The following DCHS2 variants were observed in gnomAD, a reference collection of about 807,000 sequenced individuals.
The protein encoded by DCHS2 is protocadherin-23.
Under a neutral mutation model 182.4 loss-of-function variants are expected in DCHS2, and 142 were observed. That is an observed-to-expected ratio of 0.78 (90% confidence interval 0.68 to 0.89). DCHS2 has a LOEUF of 0.89. Among genes scored for constraint, DCHS2 ranks in the 40% least tolerant of loss-of-function variants. The pLI is 0.00. For missense variants in DCHS2, 4,319 were observed against 4,198.6 expected, an observed-to-expected ratio of 1.03 and a Z score of -0.79; for synonymous variants, 1,740 against 1,663.3, an observed-to-expected ratio of 1.05 and a Z score of -1.12.
chr4:154,358,773 T>A (rs1729985647), intron 3 of DCHS2, among the ~76,000 whole-genome samples: 1 of 151,980 alleles, frequency 6.6e-6, no homozygotes, highest in Non-Finnish European at 1.5e-5. Flanking sequence ...TTTTCAACTT[T>A]ATTGAGTATA....
chr4:154,342,840 A>G (rs1729172244), intron 3 of DCHS2, among the ~76,000 whole-genome samples: 1 of 152,212 alleles, frequency 6.6e-6, no homozygotes, highest in Non-Finnish European at 1.5e-5. Context: ...GGCATCTAGA[A>G]TGGTGCATCC....
At chr4:154,315,618 A>C in intron 10 of DCHS2, 130 bp downstream of exon 10, 3 of 1,346,554 alleles carry the variant, frequency 2.2e-6, no homozygotes, top group South Asian at 3.0e-5. Flanking sequence ...CAAATGAAAG[A>C]AGTATTACAA....
rs117901857 is a variant in DCHS2, at chr4:154,257,551, G to A, written c.6790-1881C>T. Among the ~76,000 whole-genome samples the A allele has an allele frequency of 1.8e-3, 271 of 152,262 alleles. 2 individuals carry two copies. The East Asian group carries it at 0.022, about 12-fold the overall frequency. On this transcript the variant is annotated intron_variant, in intron 15 of 19. Transcript: ENST00000357232. ...CAAGGCAGTTCACCACACCTTTGGC[G>A]GGATGGGAGTGGGAGGCAGGTCAAT...
At position 154,236,416 on chromosome 4, in the gene DCHS2, C is replaced by T. The variant is rs764124509; in HGVS notation, c.8236G>A (p.Glu2746Lys). ...FTLTVQASDA[E>K]KKHFSFAVVF... ...ACTGCAAAAGAAAAATGTTTCTTTT[C>T]TGCATCTGAAGCTTGGACAGTTAAG... is the stretch of plus-strand genomic sequence containing the variant. Residue 2746 changes from glutamate (E) to lysine (K), a missense_variant, in exon 20 of 20, where the codon GAA (glutamate) becomes AAA (lysine). Glu to Lys is a moderately conservative substitution (Grantham distance 56). Transcript: ENST00000357232. The T allele has an allele frequency of 3.1e-6, 5 of 1,613,932 alleles. No individual in the cohort carries two copies. In the South Asian group the frequency reaches 5.5e-5, roughly 18 times the overall value.
At chr4:154,375,970 G>T (rs1017508245) in intron 2 of DCHS2, among the ~76,000 whole-genome samples, 7 of 151,922 alleles carry the variant, frequency 4.6e-5, no homozygotes, top group Non-Finnish European at 7.4e-5. Flanking sequence ...AAAGAAACTC[G>T]ACAGAAACAC....
intron 1 of DCHS2, among the ~76,000 whole-genome samples, chr4:154,425,674 C>A (rs1469957713): frequency 1.3e-5 from 2 of 152,298 alleles, no homozygotes; most frequent in South Asian, 4.1e-4. Context: ...TTAACTAAGG[C>A]AAAACACACA....
chr4:154,405,247 T>C (rs998206137), intron 1 of DCHS2, among the ~76,000 whole-genome samples: 6 of 152,102 alleles, frequency 3.9e-5, no homozygotes. Flanking sequence ...CAAAACTCCA[T>C]CTCAAAATAA....
In DCHS2 at chr4:154,235,125, G is replaced by T. The variant is rs763501582; in HGVS notation, c.9527C>A (p.Thr3176Asn). The stretch of plus-strand genomic sequence containing the variant: ...GGGTAACACATTATTTTGAGCACAG[G>T]TGGTGCTGCAGCCTTCCCCTTGATC... The part of the protein sequence containing the change: ...EGDQGEGCST[T>N]CAQNNVLPQT... Residue 3176 changes from threonine to asparagine, a missense_variant, in exon 20 of 20, where the codon ACC (threonine) becomes AAC (asparagine). Thr to Asn is a moderately conservative substitution (Grantham distance 65, BLOSUM62 0). Transcript: ENST00000357232. 2.5e-6 allele frequency: 4 copies of T among 1,613,976 alleles called. No individual in the cohort carries two copies. The highest frequency in any genetic ancestry group is 2.5e-6 in the Non-Finnish European group (3 of 1,179,950).
chr4:154,336,134 C>T (rs1348653056), intron 3 of DCHS2, among the ~76,000 whole-genome samples: 1 of 152,124 alleles, frequency 6.6e-6, no homozygotes, highest in Non-Finnish European at 1.5e-5. Flanking sequence ...AGATATAATA[C>T]AATAGCTGTG....
intron 4 of DCHS2, 65 bp from the exon 5 acceptor site, chr4:154,333,559 T>C (rs1436208882): frequency 6.2e-6 from 9 of 1,458,676 alleles, no homozygotes; most frequent in East Asian, 4.9e-5. Flanking sequence ...AACTCAGAAA[T>C]TGAAATGTTA....
chr4:154,435,330 C>T (rs976885530), intron 1 of DCHS2, among the ~76,000 whole-genome samples: 1 of 152,150 alleles, frequency 6.6e-6, no homozygotes, highest in African/African-American at 2.4e-5. Context: ...GGCGCGGTGG[C>T]TCATGCCTGT....
Position 154,450,436 on chromosome 4 carries a change from A to T in DCHS2, c.2052+38868T>A, listed in dbSNP as rs147139860. 1.1e-3 allele frequency among the ~76,000 whole-genome samples: 163 copies of T among 152,288 alleles called. 1 individual carries two copies. Among genetic ancestry groups the T allele is most frequent in the African/African-American group, 3.7e-3 (155 of 41,552 alleles). On this transcript the variant is annotated intron_variant, in intron 1 of 19. Coordinates refer to ENST00000357232, the MANE Select transcript of DCHS2 (RefSeq NM_001358235.2). The stretch of plus-strand genomic sequence containing the variant: ...AAATAAGAATACTTATTCTGCACTT[A>T]CTCAGTGCTGGATACTACAGAGAAT...
At chr4:154,485,884 G>A (rs1203384955) in intron 1 of DCHS2, among the ~76,000 whole-genome samples, 1 of 152,196 alleles carries the variant, frequency 6.6e-6, no homozygotes, top group Admixed American at 6.5e-5. Flanking sequence ...TAGGGTGGAG[G>A]ATGGAGCTCT....
In DCHS2 at chr4:154,234,455, A is replaced by AATCT. The variant is rs1731342166; in HGVS notation, c.*77_*80dup. On this transcript the variant is annotated 3_prime_UTR_variant, in exon 20 of 20. Coordinates refer to ENST00000357232, the MANE Select transcript of DCHS2 (RefSeq NM_001358235.2). ...CTTGCTTTTAGATAAAAATGAGCCC[A>AATCT]ATCTCGAGTTGCTGGCTTGAAAACA... 7.0e-7 allele frequency: 1 copy of AATCT among 1,434,462 alleles called. No individual in the cohort carries two copies. Among genetic ancestry groups the AATCT allele is most frequent in the Non-Finnish European group, 9.2e-7 (1 of 1,090,322 alleles). 88.9% of individuals were successfully genotyped at this position (1,434,462 alleles called of 1,614,324 possible).
intron 1 of DCHS2, among the ~76,000 whole-genome samples, chr4:154,483,519 A>G (rs1736000308): frequency 6.6e-6 from 1 of 152,164 alleles, no homozygotes; most frequent in African/African-American, 2.4e-5. Flanking sequence ...CAAGAGTTAC[A>G]ATGGGGACAA....
chr4:154,239,454 T>A (rs577208968), intron 18 of DCHS2, 152 bp from the exon 19 acceptor site: 316 of 1,252,768 alleles, frequency 2.5e-4, no homozygotes, highest in Non-Finnish European at 3.2e-4. Context: ...TTTATGGAAT[T>A]GGCATATTAA....
intron 3 of DCHS2, among the ~76,000 whole-genome samples, chr4:154,365,938 G>A (rs548704310): frequency 9.2e-5 from 14 of 151,694 alleles, no homozygotes; most frequent in Non-Finnish European, 1.3e-4. Flanking sequence ...GTGAGCCACC[G>A]CACCCAGTCA....
At chr4:154,259,416 A>T in intron 15 of DCHS2, 129 bp downstream of exon 15, 1 of 1,440,342 alleles carries the variant, frequency 6.9e-7, no homozygotes, top group Admixed American at 2.5e-5. Context: ...CATGGCCTGG[A>T]AAGAGTGTTG....
chr4:154,463,301 T>C (rs1235842131), intron 1 of DCHS2, among the ~76,000 whole-genome samples: 1 of 152,060 alleles, frequency 6.6e-6, no homozygotes, highest in African/African-American at 2.4e-5. Flanking sequence ...TACATAAATC[T>C]ACTTCTTTAA....
Sources: allele counts gnomAD v4.1 joint callset (sites outside exome capture counted in the v4.1 genomes callset), GRCh38; gene constraint gnomAD v4.1.1; transcripts MANE v1.5; gene names NCBI Gene and HGNC (gene_info 2026-07-23, HGNC 2026-07-21).